Variants in APP observed in about 807,000 individuals in gnomAD.
APP encodes amyloid-beta precursor protein.
A neutral mutation model predicts 101.4 loss-of-function variants in APP; 31 were observed. That is an observed-to-expected ratio of 0.31 (90% confidence interval 0.23 to 0.41). APP has a LOEUF of 0.41. Ranked by LOEUF, APP falls within the 10% of genes least tolerant of loss-of-function variation. APP has a pLI of 1.00. For synonymous variants in APP, 366 were observed against 364.4 expected, an observed-to-expected ratio of 1.00 and a Z score of -0.05; for missense variants, 839 against 1,003.7, an observed-to-expected ratio of 0.84 and a Z score of 2.22.
intron 13 of APP, among the ~76,000 whole-genome samples, chr21:25,924,982 G>T (rs1228310231): frequency 3.3e-5 from 5 of 152,144 alleles, no homozygotes; most frequent in Non-Finnish European, 5.9e-5. Context: ...TCTAACAGGA[G>T]ATTCGCATAT....
At chr21:25,900,378 CAAAAAAAAAAAAAAAAAAAA>C (rs60231150) in intron 15 of APP, among the ~76,000 whole-genome samples, 1 of 59,454 alleles carries the variant, frequency 1.7e-5, no homozygotes, top group African/African-American at 5.3e-5. Flanking sequence ...ACTAAAAATA[CAAAAAAAAAAAAAAAAAAAA>C]AAAAAAAAAA....
At chr21:25,889,615 C>G (rs747266995) in intron 17 of APP, among the ~76,000 whole-genome samples, 36 of 152,094 alleles carry the variant, frequency 2.4e-4, no homozygotes, top group Non-Finnish European at 4.6e-4. Context: ...TTGGGGAGGG[C>G]GGATCACTTG....
At chr21:26,051,274 A>C in intron 4 of APP, 81 bp from the exon 5 acceptor site, 1 of 1,354,708 alleles carries the variant, frequency 7.4e-7, no homozygotes, top group Non-Finnish European at 1.0e-6. Flanking sequence ...AATAATCAAC[A>C]TGCAGACCCA....
rs559015590 is a variant in APP, at chr21:26,066,643, T to TA, written c.356-13296dup. ...TGGTGACTAGCTTGCTGTGTCCTTT[T>TA]AAAAAATAAAAATTTTCATGCTTCT... On this transcript the variant is annotated intron_variant, in intron 3 of 17. Transcript: ENST00000346798. 4.9e-4 allele frequency among the ~76,000 whole-genome samples: 75 copies of TA among 152,282 alleles called. 1 individual carries two copies. The highest frequency in any genetic ancestry group is 3.4e-3 in the Middle Eastern group (1 of 294).
intron 7 of APP, 57 bp downstream of exon 7, chr21:25,999,958 C>A: frequency 6.3e-7 from 1 of 1,580,800 alleles, no homozygotes; most frequent in Non-Finnish European, 8.6e-7. Flanking sequence ...TTACAAAAAG[C>A]AGAGTCAGTG....
In APP at chr21:26,112,036, T is replaced by C. The variant is rs1423341651; in HGVS notation, c.168A>G (p.Pro56=). ...NVQNGKWDSD[P]SGTKTCIDTK... is the part of the protein sequence containing the mutation. Reference sequence around the variant, plus strand: ...TATCAATGCAGGTTTTGGTCCCTGATGGATCTGAATCCCACTTCCCATTCT... The same window carrying C: ...TATCAATGCAGGTTTTGGTCCCTGACGGATCTGAATCCCACTTCCCATTCT... Residue 56 remains proline (P), a synonymous_variant, in exon 2 of 18, where the codon CCA becomes CCG. Transcript: ENST00000346798. The C allele has an allele frequency of 1.1e-5, 17 of 1,614,076 alleles. No homozygotes were observed. The highest frequency in any genetic ancestry group is 1.2e-5 in the Non-Finnish European group (14 of 1,180,030).
intron 11 of APP, among the ~76,000 whole-genome samples, chr21:25,967,239 G>A (rs1407052532): frequency 6.6e-6 from 1 of 152,158 alleles, no homozygotes; most frequent in Non-Finnish European, 1.5e-5. Context: ...TAGCCTGAAT[G>A]TGAAGCAGCA....
At position 25,955,614 on chromosome 21, in the gene APP, A is replaced by G; in HGVS notation, c.1587+13T>C. 1 of 1,613,904 alleles carries G rather than the reference A, an allele frequency of 6.2e-7. No individual in the cohort carries two copies. Among genetic ancestry groups the G allele is most frequent in the South Asian group, 1.1e-5 (1 of 91,060 alleles). On this transcript the variant is annotated intron_variant, in intron 12 of 17. Coordinates refer to ENST00000346798, the MANE Select transcript of APP (RefSeq NM_000484.4). ...TGTCAAAGCTGCAGAAGATGATTAT[A>G]CCCCACGCTTACCTGGGACCGGATC...
intron 1 of APP, among the ~76,000 whole-genome samples, chr21:26,114,137 C>T (rs1433519332): frequency 1.3e-5 from 2 of 152,186 alleles, no homozygotes; most frequent in East Asian, 1.9e-4. Context: ...TTGAAACAGT[C>T]TCCTCCTCTG....
At chr21:26,119,646 A>G (rs1328187036) in intron 1 of APP, among the ~76,000 whole-genome samples, 1 of 152,144 alleles carries the variant, frequency 6.6e-6, no homozygotes, top group Non-Finnish European at 1.5e-5. Context: ...TACCTGCTAT[A>G]CAGCTACTTG....
At chr21:25,946,045 C>A (rs770089854) in intron 13 of APP, 7 of 365,950 alleles carry the variant, frequency 1.9e-5, no homozygotes, top group Non-Finnish European at 3.3e-5. Context: ...AGAATAAAGT[C>A]AAACCTCTAC....
chr21:25,895,315 G>A (rs1334454942), intron 16 of APP, among the ~76,000 whole-genome samples: 1 of 151,862 alleles, frequency 6.6e-6, no homozygotes, highest in Admixed American at 6.6e-5. Context: ...ACAGGCACAT[G>A]CCACCATATG....
chr21:26,088,670 T>G (rs2061754054), intron 3 of APP, among the ~76,000 whole-genome samples: 1 of 152,186 alleles, frequency 6.6e-6, no homozygotes, highest in Non-Finnish European at 1.5e-5. Flanking sequence ...TTTTTTTGAG[T>G]AGGAGTTCTG....
chr21:26,170,342 C>A (rs2063718059), intron 1 of APP, among the ~76,000 whole-genome samples: 4 of 152,120 alleles, frequency 2.6e-5, no homozygotes, highest in Admixed American at 2.6e-4. Flanking sequence ...GGGAGACCAG[C>A]GCCTCGCCCG....
At chr21:25,894,138 C>T (rs748777502) in intron 16 of APP, among the ~76,000 whole-genome samples, 8 of 152,096 alleles carry the variant, frequency 5.3e-5, no homozygotes, top group Non-Finnish European at 1.2e-4. Flanking sequence ...ACCTACTGCT[C>T]AGAAAAGACT....
At chr21:26,003,784 C>T (rs1359835150) in intron 6 of APP, among the ~76,000 whole-genome samples, 2 of 152,192 alleles carry the variant, frequency 1.3e-5, no homozygotes, top group African/African-American at 4.8e-5. Flanking sequence ...GTCAGCAACC[C>T]TGATTCCCCA....
chr21:25,983,776 G>C (rs2042530370), intron 8 of APP, among the ~76,000 whole-genome samples: 1 of 152,164 alleles, frequency 6.6e-6, no homozygotes, highest in Non-Finnish European at 1.5e-5. Flanking sequence ...GCATATTCCT[G>C]GTGCCTTTAC....
intron 13 of APP, 114 bp from the exon 14 acceptor site, chr21:25,912,076 A>G: frequency 1.2e-6 from 1 of 812,238 alleles, no homozygotes; most frequent in Non-Finnish European, 2.1e-6. Flanking sequence ...CACGTGCATG[A>G]TCGCGTTTAG....
At chr21:26,108,668 G>GC (rs1445100898) in intron 2 of APP, among the ~76,000 whole-genome samples, 2 of 152,038 alleles carry the variant, frequency 1.3e-5, no homozygotes, top group African/African-American at 4.8e-5. Context: ...AGGGTGGATC[G>GC]CAAGGTCAGG....
Sources: allele counts gnomAD v4.1 joint callset (sites outside exome capture counted in the v4.1 genomes callset), GRCh38; gene constraint gnomAD v4.1.1; transcripts MANE v1.5; gene names NCBI Gene and HGNC (gene_info 2026-07-23, HGNC 2026-07-21).